The following NUAK1 variants were observed in gnomAD, a reference collection of about 807,000 sequenced individuals.
NUAK1 encodes NUAK family SNF1-like kinase 1.
NUAK1 carries 26 observed loss-of-function variants against 56.9 expected under a neutral mutation model. That is an observed-to-expected ratio of 0.46 (90% CI 0.33 to 0.63). The LOEUF is 0.63. Among genes scored for constraint, NUAK1 ranks in the 30% least tolerant of loss-of-function variants. NUAK1 has a pLI of 0.02. For missense variants in NUAK1, 727 were observed against 876.1 expected, an observed-to-expected ratio of 0.83 and a Z score of 2.15; for synonymous variants, 337 against 336.0, an observed-to-expected ratio of 1.00 and a Z score of -0.03.
At chr12:106,102,821 G>A (rs188044804) in intron 2 of NUAK1, among the ~76,000 whole-genome samples, 17 of 152,264 alleles carry the variant, frequency 1.1e-4, no homozygotes, top group African/African-American at 4.1e-4. Flanking sequence ...TGGAGGACTG[G>A]AGGCTGAAGC....
chr12:106,125,550 C>T (rs553152208), intron 1 of NUAK1, among the ~76,000 whole-genome samples: 8 of 152,234 alleles, frequency 5.3e-5, no homozygotes, highest in Admixed American at 2.0e-4. Flanking sequence ...CGAAAAAGCA[C>T]GTAAATAGTT....
At chr12:106,098,413 G>A (rs1179553504) in intron 2 of NUAK1, among the ~76,000 whole-genome samples, 3 of 152,194 alleles carry the variant, frequency 2.0e-5, no homozygotes, top group Middle Eastern at 3.4e-3. Context: ...TGTCTATTTC[G>A]TTTCTTTTCA....
At chr12:106,076,457 CTTG>C (rs1466164692) in intron 4 of NUAK1, among the ~76,000 whole-genome samples, 2 of 152,252 alleles carry the variant, frequency 1.3e-5, no homozygotes, top group East Asian at 3.9e-4. Context: ...GGCATTTTTG[CTTG>C]TTGTTTTGAC....
intron 2 of NUAK1, among the ~76,000 whole-genome samples, chr12:106,094,934 C>G (rs912401261): frequency 3.2e-4 from 48 of 152,124 alleles, no homozygotes; most frequent in African/African-American, 1.1e-3. Context: ...GACTTGACAA[C>G]ACCACACTGG....
chr12:106,109,230 C>T (rs933933297), intron 1 of NUAK1, among the ~76,000 whole-genome samples: 1 of 152,170 alleles, frequency 6.6e-6, no homozygotes, highest in South Asian at 2.1e-4. Flanking sequence ...AACAAAAAAG[C>T]ACTACTACTA....
chr12:106,101,583 C>T (rs1189485656), intron 2 of NUAK1, among the ~76,000 whole-genome samples: 2 of 152,148 alleles, frequency 1.3e-5, no homozygotes, highest in Non-Finnish European at 2.9e-5. Context: ...AGGAGAGAGG[C>T]CTGGAACAGA....
chr12:106,080,667 G>A (rs1008255747), intron 4 of NUAK1, among the ~76,000 whole-genome samples: 1 of 152,170 alleles, frequency 6.6e-6, no homozygotes, highest in African/African-American at 2.4e-5. Context: ...GAGCTACATG[G>A]CTCTCCCCAC....
chr12:106,065,351 C>G lies in NUAK1; in HGVS notation c.*1451G>C, dbSNP rs1296033480. The G allele has an allele frequency of 6.6e-6, 1 of 152,100 alleles. No homozygotes were observed. Among genetic ancestry groups the G allele is most frequent in the Non-Finnish European group, 1.5e-5 (1 of 68,024 alleles). The allele number at this position is 152,100 out of a possible 1,614,324, so 9.4% of individuals were successfully genotyped here. Reference sequence around the variant, plus strand: ...TTTTAAGATAAGAGTCCTGCCGCACCTCTTTTCTGTCTCCCCCAGAACCAT... The same window carrying G: ...TTTTAAGATAAGAGTCCTGCCGCACGTCTTTTCTGTCTCCCCCAGAACCAT... On this transcript the variant is annotated 3_prime_UTR_variant, in exon 7 of 7. Transcript: ENST00000261402.
intron 4 of NUAK1, among the ~76,000 whole-genome samples, chr12:106,076,175 A>T (rs532000597): frequency 6.6e-6 from 1 of 152,350 alleles, no homozygotes; most frequent in South Asian, 2.1e-4. Flanking sequence ...AATTACTTTG[A>T]CCTGAAAGAG....
At chr12:106,097,892 G>T (rs1200892949) in intron 2 of NUAK1, among the ~76,000 whole-genome samples, 1 of 152,234 alleles carries the variant, frequency 6.6e-6, no homozygotes, top group African/African-American at 2.4e-5. Context: ...TTTACCAGGG[G>T]CCTGCCATTC....
At chr12:106,088,793 A>G (rs1034579489) in intron 2 of NUAK1, among the ~76,000 whole-genome samples, 14 of 152,192 alleles carry the variant, frequency 9.2e-5, no homozygotes, top group Non-Finnish European at 2.1e-4. Context: ...CACACATTCA[A>G]TGAAGAACTG....
At chr12:106,128,364 C>T (rs977860913) in intron 1 of NUAK1, among the ~76,000 whole-genome samples, 1 of 152,086 alleles carries the variant, frequency 6.6e-6, no homozygotes, top group African/African-American at 2.4e-5. Context: ...CTCCTAACCT[C>T]AAATAATCCA....
chr12:106,083,225 G>A (rs1243846043), intron 4 of NUAK1, among the ~76,000 whole-genome samples: 3 of 152,164 alleles, frequency 2.0e-5, no homozygotes, highest in Admixed American at 1.3e-4. Flanking sequence ...GTGGGAAGGT[G>A]GAGAGGGAGA....
intron 1 of NUAK1, among the ~76,000 whole-genome samples, chr12:106,118,969 G>A (rs1422000573): frequency 6.6e-6 from 1 of 152,134 alleles, no homozygotes; most frequent in Non-Finnish European, 1.5e-5. Context: ...GCTATGTAAG[G>A]ATAATAATGC....
Position 106,067,551 on chromosome 12 carries a change from T to G in NUAK1, c.1237A>C (p.Ser413Arg). 2.5e-6 allele frequency: 4 copies of G among 1,614,242 alleles called. No homozygotes were observed. Among genetic ancestry groups the G allele is most frequent in the Non-Finnish European group, 3.4e-6 (4 of 1,180,050 alleles). ...KRSNSEHRSH[S>R]TGFIEGVVGP... is the part of the protein sequence containing the mutation. ...ACTACACCTTCAATGAAGCCAGTGC[T>G]GTGAGAGCGATGCTCGCTGTTGCTT... The change falls in exon 7 of 7, where the codon AGC becomes CGC. Residue 413 changes from serine to arginine, a missense_variant. Coordinates refer to ENST00000261402, the MANE Select transcript of NUAK1 (RefSeq NM_014840.3). This position sits in a 1 kb window ranked among gnomAD's most constrained non-coding sequence, Gnocchi z 6.0.
intron 2 of NUAK1, among the ~76,000 whole-genome samples, chr12:106,100,326 C>T (rs188841890): frequency 1.3e-5 from 2 of 152,156 alleles, no homozygotes; most frequent in Admixed American, 1.3e-4. Flanking sequence ...TCTCCTCACC[C>T]CTGCCAACCT....
intron 1 of NUAK1, among the ~76,000 whole-genome samples, chr12:106,109,293 G>A (rs375341806): frequency 1.3e-5 from 2 of 152,246 alleles, no homozygotes; most frequent in South Asian, 2.1e-4. Flanking sequence ...AGCAGACACC[G>A]TGCTGAATGC....
intron 1 of NUAK1, among the ~76,000 whole-genome samples, chr12:106,126,350 C>T (rs1270271349): frequency 6.6e-6 from 1 of 152,176 alleles, no homozygotes; most frequent in African/African-American, 2.4e-5. Flanking sequence ...CAGAAGGGAA[C>T]ACCTGCCACA....
In NUAK1 at chr12:106,066,865, TG is replaced by T; in HGVS notation, c.1922del (p.Thr641LysfsTer6). 1 of 1,614,200 alleles carries T rather than the reference TG, an allele frequency of 6.2e-7. No homozygotes were observed. Among genetic ancestry groups the T allele is most frequent in the Non-Finnish European group, 8.5e-7 (1 of 1,180,018 alleles). ...RLADSSFSLL[T>X]DMDDVTQVYK... is the part of the protein sequence containing the mutation. The stretch of plus-strand genomic sequence containing the variant: ...AGACCTGAGTCACATCATCCATGTC[TG>T]TGAGGAGGGAGAAGCTGCTGTCTGC... On this transcript the variant is annotated frameshift_variant, in exon 7 of 7. Coordinates refer to ENST00000261402, the MANE Select transcript of NUAK1 (RefSeq NM_014840.3). LOFTEE classifies it high-confidence loss of function.
Sources: allele counts gnomAD v4.1 joint callset (sites outside exome capture counted in the v4.1 genomes callset), GRCh38; gene constraint gnomAD v4.1.1; non-coding constraint Gnocchi (gnomAD v3.1); transcripts MANE v1.5; gene names NCBI Gene and HGNC (gene_info 2026-07-23, HGNC 2026-07-21).